PTGR1: variants seen among roughly 807,000 people sequenced by gnomAD.
PTGR1 encodes the protein 15-oxoprostaglandin 13-reductase.
In PTGR1, 23 loss-of-function variants were observed where a neutral mutation model predicts 37.7. That is an observed-to-expected ratio of 0.61 (90% CI 0.44 to 0.86). The LOEUF (loss-of-function observed/expected upper bound fraction) is 0.86. Ranked by LOEUF, PTGR1 falls within the 40% of genes least tolerant of loss-of-function variation. The pLI, the probability that PTGR1 is intolerant of heterozygous loss-of-function variation, is 0.00. For synonymous variants in PTGR1, 134 were observed against 140.0 expected, an observed-to-expected ratio of 0.96 and a Z score of 0.30; for missense variants, 351 against 394.3, an observed-to-expected ratio of 0.89 and a Z score of 0.93.
chr9:111,579,793 T>C lies in PTGR1; in HGVS notation c.496-842A>G, dbSNP rs553906542. 2.4e-4 allele frequency among the ~76,000 whole-genome samples: 36 copies of C among 152,286 alleles called. No homozygotes were observed. In the South Asian group the frequency reaches 7.5e-3, roughly 32 times the overall value. On this transcript the variant is annotated intron_variant, in intron 6 of 9. Transcript: ENST00000407693. ...TTTGATTTAGTCCAAAGCACCAGAC[T>C]ACACGCTTCCTAATCACAGAGGAGC...
chr9:111,553,968 G>C (rs1047994925), intron 9 of PTGR1, among the ~76,000 whole-genome samples: 1 of 152,152 alleles, frequency 6.6e-6, no homozygotes, highest in Admixed American at 6.5e-5. Context: ...AACTTCCAAC[G>C]TCCCAGAGGC....
intron 9 of PTGR1, among the ~76,000 whole-genome samples, chr9:111,553,407 A>G (rs960016680): frequency 2.0e-5 from 3 of 152,184 alleles, no homozygotes; most frequent in African/African-American, 7.2e-5. Flanking sequence ...TTATAATGAA[A>G]ATATTAAGTA....
intron 5 of PTGR1, among the ~76,000 whole-genome samples, chr9:111,585,543 T>C (rs1418719397): frequency 6.6e-6 from 1 of 152,226 alleles, no homozygotes; most frequent in African/African-American, 2.4e-5. Flanking sequence ...ATGCCGGGCA[T>C]GGTGGGTCTA....
chr9:111,584,450 C>T (rs1829371727), intron 5 of PTGR1, among the ~76,000 whole-genome samples: 1 of 152,208 alleles, frequency 6.6e-6, no homozygotes, highest in Non-Finnish European at 1.5e-5. Flanking sequence ...AGGTATTAAG[C>T]ATCCTCTACT....
chr9:111,571,772 G>A (rs1290153804), intron 8 of PTGR1, among the ~76,000 whole-genome samples: 1 of 152,106 alleles, frequency 6.6e-6, no homozygotes, highest in Admixed American at 6.6e-5. Flanking sequence ...CCAAAATATT[G>A]GGATTACAGG....
chr9:111,590,496 T>C (rs1589319430), intron 4 of PTGR1, among the ~76,000 whole-genome samples: 1 of 152,124 alleles, frequency 6.6e-6, no homozygotes, highest in South Asian at 2.1e-4. Context: ...ATAGCTAGGA[T>C]TACAGATGCC....
chr9:111,579,726 C>T (rs1323020662), intron 6 of PTGR1, among the ~76,000 whole-genome samples: 12 of 152,060 alleles, frequency 7.9e-5, no homozygotes, highest in South Asian at 2.1e-4. Flanking sequence ...CTAAAGTGCT[C>T]GGATTACAGG....
chr9:111,563,230 C>A lies in PTGR1; in HGVS notation c.881G>T (p.Gly294Val). Residue 294 changes from glycine (G) to valine (V), a missense_variant and splice_region_variant, in exon 10 of 10, where the codon GGT becomes GTT. Transcript: ENST00000407693. ...GATATATTCCTTGTACTGGATTTTA[C>A]CCTGTATCAAAGCAACAACAAATTT... ...LKDLLKWVLE[G>V]KIQYKEYIIE... The A allele has an allele frequency of 6.2e-7, 1 of 1,611,076 alleles. No individual in the cohort carries two copies. Among genetic ancestry groups the A allele is most frequent in the Non-Finnish European group, 8.5e-7 (1 of 1,178,796 alleles).
chr9:111,584,527 G>A (rs1829373915), intron 5 of PTGR1, among the ~76,000 whole-genome samples: 3 of 152,088 alleles, frequency 2.0e-5, no homozygotes, highest in Admixed American at 2.0e-4. Flanking sequence ...TATGAATTTG[G>A]GGTACATAGG....
At chr9:111,556,510 C>G (rs1318597154) in intron 9 of PTGR1, among the ~76,000 whole-genome samples, 1 of 152,254 alleles carries the variant, frequency 6.6e-6, no homozygotes, top group African/African-American at 2.4e-5. Context: ...GCCTTGACAT[C>G]CAGGCATTTC....
At chr9:111,583,698 T>A (rs1176064282) in intron 5 of PTGR1, 109 bp from the exon 6 acceptor site, 1 of 810,194 alleles carries the variant, frequency 1.2e-6, no homozygotes, top group Non-Finnish European at 2.0e-6. Flanking sequence ...TGGGTCCAAG[T>A]AAAAGACAAA....
chr9:111,564,718 G>T (rs113788930), intron 9 of PTGR1, among the ~76,000 whole-genome samples: 1 of 152,114 alleles, frequency 6.6e-6, no homozygotes, highest in Admixed American at 6.6e-5. Context: ...AATAGAGAAC[G>T]AATACTGTTA....
chr9:111,594,726 G>A (rs1829728373), intron 2 of PTGR1, among the ~76,000 whole-genome samples: 1 of 150,308 alleles, frequency 6.7e-6, no homozygotes, highest in Non-Finnish European at 1.5e-5. Context: ...CTAATTTTTT[G>A]TATTTTTAGT....
intron 4 of PTGR1, among the ~76,000 whole-genome samples, chr9:111,588,248 G>A (rs1477559833): frequency 6.7e-6 from 1 of 149,800 alleles, no homozygotes; most frequent in Non-Finnish European, 1.5e-5. Context: ...CCAGGCTGGA[G>A]CACAGTGGCG....
rs116678107 is a variant in PTGR1 at position 111,583,305 on chromosome 9, C to T, written c.495+167G>A. Among the ~76,000 whole-genome samples, 1,269 of 152,340 alleles carry T rather than the reference C, an allele frequency of 8.3e-3. 13 individuals carry two copies. The highest frequency in any genetic ancestry group is 0.029 in the African/African-American group (1,219 of 41,576). On this transcript the variant is annotated intron_variant, in intron 6 of 9. Coordinates refer to ENST00000407693, the MANE Select transcript of PTGR1 (RefSeq NM_001146108.2). ...AATGTTATCAAATAACAATGTTCAG[C>T]TTATCTTTGGTATAGTTTTCCCCAT...
intron 5 of PTGR1, 149 bp downstream of exon 5, chr9:111,585,849 C>A: frequency 1.2e-6 from 1 of 810,812 alleles, no homozygotes; most frequent in Non-Finnish European, 1.9e-6. Flanking sequence ...TTAGGTTGAT[C>A]TGCCATCTTG....
At chr9:111,568,742 ACTCTTT>A (rs1442610616) in intron 9 of PTGR1, among the ~76,000 whole-genome samples, 8 of 151,906 alleles carry the variant, frequency 5.3e-5, no homozygotes, top group African/African-American at 1.7e-4. Flanking sequence ...CTCTCTTTGT[ACTCTTT>A]CTCTTTATTT....
At chr9:111,578,139 C>G (rs77068161) in intron 7 of PTGR1, among the ~76,000 whole-genome samples, 10,204 of 152,004 alleles carry the variant, frequency 0.067, 589 homozygotes, top group African/African-American at 0.15. Flanking sequence ...TTAAAAAAGG[C>G]ATATATACTT....
At chr9:111,565,511 TC>T (rs1478088757) in intron 9 of PTGR1, among the ~76,000 whole-genome samples, 2 of 152,106 alleles carry the variant, frequency 1.3e-5, no homozygotes, top group African/African-American at 4.8e-5. Flanking sequence ...TTCCTATAAA[TC>T]TAAAACTTCT....
Sources: gnomAD v4.1 joint callset for allele counts (sites outside exome capture counted in the v4.1 genomes callset) on GRCh38, gnomAD v4.1.1 for gene constraint, MANE v1.5 for transcripts, NCBI Gene and HGNC (gene_info 2026-07-23, HGNC 2026-07-21) for gene names.